The following PHF14 variants were observed in gnomAD, a reference collection of about 807,000 sequenced individuals.
PHF14 encodes PHD finger protein 14.
In PHF14, 55 loss-of-function variants were observed where a neutral mutation model predicts 117.9. The observed-to-expected ratio is 0.47, with a 90% CI of 0.38 to 0.58. PHF14 has a LOEUF of 0.58. PHF14 is among the 20% of genes least tolerant of loss of function. The pLI is 0.00. For synonymous variants in PHF14, 409 were observed against 368.6 expected (o/e 1.11, Z -1.26); for missense variants, 978 against 1,122.2 (o/e 0.87, Z 1.84).
At position 10,982,458 on chromosome 7, in the gene PHF14, G is replaced by A; in HGVS notation, c.199G>A (p.Glu67Lys). The stretch of plus-strand genomic sequence containing the variant: ...TAGTGATTCTGAAGAAAATATTTTA[G>A]AAGAAGAACTGAATGAAGATATTAA... ...SCSDSEENIL[E>K]EELNEDIKVK... The change falls in exon 3 of 18, where the codon GAA (glutamate) becomes AAA (lysine). Residue 67 changes from glutamate (E) to lysine (K), a missense_variant. Coordinates refer to ENST00000634607, the MANE Select transcript of PHF14 (RefSeq NM_001007157.2). 2 of 1,590,066 alleles carry A rather than the reference G, an allele frequency of 1.3e-6. No individual in the cohort carries two copies. Among genetic ancestry groups the A allele is most frequent in the Non-Finnish European group, 1.7e-6 (2 of 1,163,162 alleles).
intron 17 of PHF14, 140 bp downstream of exon 17, chr7:11,111,607 C>A: frequency 1.4e-5 from 7 of 487,752 alleles, no homozygotes; most frequent in Non-Finnish European, 1.8e-5. Context: ...GAATATATTG[C>A]TATGGTTATT....
Position 11,134,810 on chromosome 7 carries a change from A to G in PHF14, c.2772+23343A>G, listed in dbSNP as rs545876564. ...AGTAATACATAAAATAATTTTGCAA[A>G]AAAACATGAGTAAACTCAAACTATA... On this transcript the variant is annotated intron_variant, in intron 17 of 17. Coordinates refer to ENST00000634607, the MANE Select transcript of PHF14 (RefSeq NM_001007157.2). 5.9e-5 allele frequency among the ~76,000 whole-genome samples: 9 copies of G among 152,274 alleles called. No homozygotes were observed. The South Asian group carries it at 1.7e-3, about 28-fold the overall frequency.
intron 17 of PHF14, among the ~76,000 whole-genome samples, chr7:11,140,047 C>T (rs1440243298): frequency 1.3e-5 from 2 of 152,058 alleles, no homozygotes; most frequent in Admixed American, 6.6e-5. Context: ...ACACCTTACA[C>T]GTTCCTACAC....
intron 5 of PHF14, among the ~76,000 whole-genome samples, chr7:11,017,691 C>T (rs1783579811): frequency 6.6e-6 from 1 of 151,656 alleles, no homozygotes; most frequent in Non-Finnish European, 1.5e-5. Flanking sequence ...ATATTTTCTC[C>T]CATTCTGTGG....
At chr7:10,991,606 G>A (rs1226305224) in intron 4 of PHF14, among the ~76,000 whole-genome samples, 1 of 151,828 alleles carries the variant, frequency 6.6e-6, no homozygotes, top group African/African-American at 2.4e-5. Flanking sequence ...CACCGCACCT[G>A]GTCCCCCAGT....
At chr7:11,144,623 A>G (rs1788496834) in intron 17 of PHF14, among the ~76,000 whole-genome samples, 1 of 149,020 alleles carries the variant, frequency 6.7e-6, no homozygotes, top group African/African-American at 2.4e-5. Context: ...ATATAATTAT[A>G]TTTACTAATG....
intron 2 of PHF14, among the ~76,000 whole-genome samples, chr7:10,978,649 G>A (rs573945718): frequency 6.6e-6 from 1 of 152,226 alleles, no homozygotes; most frequent in East Asian, 1.9e-4. Flanking sequence ...ATTTTTTGTT[G>A]TGGAGGCTTG....
chr7:11,062,132 A>G, intron 16 of PHF14, 47 bp downstream of exon 16: 1 of 1,502,342 alleles, frequency 6.7e-7, no homozygotes, highest in South Asian at 1.3e-5. Context: ...AAAGTTCTAT[A>G]TTTATTTTCT....
chr7:11,128,077 G>A (rs539184748), intron 17 of PHF14, among the ~76,000 whole-genome samples: 2 of 151,942 alleles, frequency 1.3e-5, no homozygotes, highest in East Asian at 3.9e-4. Flanking sequence ...AACTTCTCAA[G>A]ATTCACTGTA....
At chr7:11,039,652 T>C (rs1019889391) in intron 11 of PHF14, among the ~76,000 whole-genome samples, 2 of 152,172 alleles carry the variant, frequency 1.3e-5, no homozygotes, top group Non-Finnish European at 2.9e-5. Flanking sequence ...GTTTTAGAGG[T>C]TTATGGAGAG....
At chr7:11,027,516 C>T (rs531322924) in intron 6 of PHF14, among the ~76,000 whole-genome samples, 4 of 151,694 alleles carry the variant, frequency 2.6e-5, no homozygotes, top group East Asian at 1.9e-4. Context: ...CTAGCTAATT[C>T]CCCCTTTTTC....
intron 17 of PHF14, among the ~76,000 whole-genome samples, chr7:11,112,266 A>G (rs557801921): frequency 3.3e-5 from 5 of 152,290 alleles, no homozygotes; most frequent in South Asian, 4.1e-4. Context: ...ACATCCAGCC[A>G]TCTTTCTTCA....
intron 17 of PHF14, among the ~76,000 whole-genome samples, chr7:11,116,260 C>CT (rs1182299197): frequency 6.6e-6 from 1 of 151,998 alleles, no homozygotes; most frequent in Non-Finnish European, 1.5e-5. Flanking sequence ...TCTACTGTCT[C>CT]TATCTCCATT....
intron 16 of PHF14, chr7:11,103,093 T>A: frequency 1.0e-6 from 1 of 970,056 alleles, no homozygotes; most frequent in Non-Finnish European, 1.2e-6. Context: ...TAGACTCATA[T>A]TAAATGTTAT....
intron 4 of PHF14, among the ~76,000 whole-genome samples, chr7:10,998,616 A>G (rs1399446799): frequency 6.6e-6 from 1 of 152,204 alleles, no homozygotes; most frequent in African/African-American, 2.4e-5. Context: ...TTTCTTCTCC[A>G]GGTGTGGTTC....
chr7:11,138,285 C>A (rs1370280495), intron 17 of PHF14, among the ~76,000 whole-genome samples: 1 of 152,052 alleles, frequency 6.6e-6, no homozygotes, highest in Non-Finnish European at 1.5e-5. Context: ...TCGTGATCCA[C>A]CCGCCTCGGC....
chr7:11,002,723 C>T (rs1402084953), intron 4 of PHF14, among the ~76,000 whole-genome samples: 3 of 151,882 alleles, frequency 2.0e-5, no homozygotes, highest in South Asian at 2.1e-4. Context: ...GGATTACAGA[C>T]GTGAGCCACC....
rs368973689 is a variant in PHF14, at chr7:11,157,332, C to T, written c.2773-12084C>T. ...GTCAAAGGACTAAATGTATTCCATA[C>T]TCTTCTAAAATGAGAACATTATTTG... is the stretch of plus-strand genomic sequence containing the variant. On this transcript the variant is annotated intron_variant, in intron 17 of 17. Transcript: ENST00000634607. Among the ~76,000 whole-genome samples the T allele has an allele frequency of 3.6e-4, 54 of 151,780 alleles. 1 individual carries two copies. In the East Asian group the frequency reaches 8.1e-3, roughly 23 times the overall value.
intron 16 of PHF14, among the ~76,000 whole-genome samples, chr7:11,074,145 T>G (rs1009610535): frequency 3.3e-5 from 5 of 152,224 alleles, no homozygotes; most frequent in African/African-American, 1.2e-4. Flanking sequence ...CTAATCACTT[T>G]AGCAAATGGT....
Sources: allele counts gnomAD v4.1 joint callset (sites outside exome capture counted in the v4.1 genomes callset), GRCh38; gene constraint gnomAD v4.1.1; transcripts MANE v1.5; gene names NCBI Gene and HGNC (gene_info 2026-07-23, HGNC 2026-07-21).